ZSWIM5: variants seen among roughly 807,000 people sequenced by gnomAD.
The protein encoded by ZSWIM5 is zinc finger SWIM domain-containing protein 5.
Under a neutral mutation model 119.6 loss-of-function variants are expected in ZSWIM5, and 55 were observed. The observed-to-expected ratio is 0.46, with a 90% CI of 0.37 to 0.58. The LOEUF is 0.58. Ranked by LOEUF, ZSWIM5 falls within the 20% of genes least tolerant of loss-of-function variation. The pLI is 0.00. For synonymous variants in ZSWIM5, 537 were observed against 606.9 expected, an observed-to-expected ratio of 0.88 and a Z score of 1.69; for missense variants, 1,193 against 1,512.8, an observed-to-expected ratio of 0.79 and a Z score of 3.51.
chr1:45,045,991 G>A (rs1010394295), intron 5 of ZSWIM5, among the ~76,000 whole-genome samples: 9 of 152,020 alleles, frequency 5.9e-5, no homozygotes, highest in African/African-American at 2.2e-4. Flanking sequence ...TCCTAAGGTA[G>A]AAGTATATTT....
chr1:45,106,945 T>C (rs1370081550), intron 1 of ZSWIM5, among the ~76,000 whole-genome samples: 2 of 152,228 alleles, frequency 1.3e-5, no homozygotes, highest in Non-Finnish European at 2.9e-5. Flanking sequence ...AACATGTGCG[T>C]GTCAACTCAG....
chr1:45,024,572 T>A (rs1427240023), intron 11 of ZSWIM5, among the ~76,000 whole-genome samples: 1 of 152,166 alleles, frequency 6.6e-6, no homozygotes, highest in African/African-American at 2.4e-5. Context: ...ATTGTGCTTT[T>A]GGTGTTGTAT....
chr1:45,047,623 T>C (rs1210230199), intron 5 of ZSWIM5, among the ~76,000 whole-genome samples: 3 of 152,214 alleles, frequency 2.0e-5, no homozygotes, highest in Non-Finnish European at 4.4e-5. Context: ...CCTAGAGTGA[T>C]GTCCTAGATA....
chr1:45,032,603 A>G (rs572363855), intron 11 of ZSWIM5, among the ~76,000 whole-genome samples: 6 of 151,168 alleles, frequency 4.0e-5, no homozygotes, highest in African/African-American at 1.5e-4. Flanking sequence ...CTCGTGCCAC[A>G]GCCTCCTGAG....
intron 1 of ZSWIM5, among the ~76,000 whole-genome samples, chr1:45,126,287 C>G (rs1645621585): frequency 6.7e-6 from 1 of 149,964 alleles, no homozygotes; most frequent in Non-Finnish European, 1.5e-5. Context: ...AAACCTTCAG[C>G]AAGAATGACA....
chr1:45,174,421 A>G (rs897338676), intron 1 of ZSWIM5, among the ~76,000 whole-genome samples: 1 of 152,016 alleles, frequency 6.6e-6, no homozygotes, highest in Non-Finnish European at 1.5e-5. Context: ...AGTACTCACT[A>G]TTAATCAAAG....
At chr1:45,073,415 C>T (rs538096753) in intron 2 of ZSWIM5, among the ~76,000 whole-genome samples, 95 of 151,270 alleles carry the variant, frequency 6.3e-4, no homozygotes, top group African/African-American at 2.2e-3. Flanking sequence ...CCCACCATCA[C>T]GCCTGGGTAA....
At chr1:45,098,615 G>T (rs574007798) in intron 1 of ZSWIM5, among the ~76,000 whole-genome samples, 15 of 152,094 alleles carry the variant, frequency 9.9e-5, no homozygotes, top group Non-Finnish European at 2.1e-4. Context: ...GCACCACATC[G>T]CACTTATTCC....
rs142333461 is a variant in ZSWIM5 at position 45,119,687 on chromosome 1, A to C, written c.596-31450T>G. On this transcript the variant is annotated intron_variant, in intron 1 of 13. Coordinates refer to ENST00000359600, the MANE Select transcript of ZSWIM5 (RefSeq NM_020883.2). ...TCACTCATCGTCAGTAGCTGTCTTA[A>C]ATTTTGTCACACTAACTATAAGTTA... is the stretch of plus-strand genomic sequence containing the variant. Among the ~76,000 whole-genome samples, 1,111 of 152,288 alleles carry C rather than the reference A, an allele frequency of 7.3e-3. 8 individuals are homozygous for C. Among genetic ancestry groups the C allele is most frequent in the Non-Finnish European group, 0.01 (686 of 68,026 alleles).
intron 1 of ZSWIM5, among the ~76,000 whole-genome samples, chr1:45,153,419 T>A (rs779241270): frequency 4.0e-5 from 6 of 150,646 alleles, no homozygotes; most frequent in Non-Finnish European, 5.9e-5. Context: ...GACATGAGAA[T>A]CGCTTGAACC....
At chr1:45,169,341 T>C (rs1557787205) in intron 1 of ZSWIM5, among the ~76,000 whole-genome samples, 1 of 152,080 alleles carries the variant, frequency 6.6e-6, no homozygotes, top group Non-Finnish European at 1.5e-5. Context: ...GATTGGCATA[T>C]AGTAAGTTCT....
In ZSWIM5 at chr1:45,166,958, T is replaced by C. The variant is rs534343689; in HGVS notation, c.595+38798A>G. ...GCTACCAATGACTTTCTTCACAGAA[T>C]TGGAAAAAACTACTTTAAAGTTCAG... is the stretch of plus-strand genomic sequence containing the variant. On this transcript the variant is annotated intron_variant, in intron 1 of 13. Coordinates refer to ENST00000359600, the MANE Select transcript of ZSWIM5 (RefSeq NM_020883.2). 5.6e-4 allele frequency among the ~76,000 whole-genome samples: 85 copies of C among 152,174 alleles called. 2 individuals carry two copies. The highest frequency in any genetic ancestry group is 4.3e-4 in the African/African-American group (18 of 41,534).
intron 1 of ZSWIM5, among the ~76,000 whole-genome samples, chr1:45,156,094 A>G (rs1411823445): frequency 6.6e-6 from 1 of 152,164 alleles, no homozygotes; most frequent in Non-Finnish European, 1.5e-5. Context: ...AAAACATGGT[A>G]TATATACACC....
chr1:45,092,922 A>G (rs1645377126), intron 1 of ZSWIM5, among the ~76,000 whole-genome samples: 1 of 152,212 alleles, frequency 6.6e-6, no homozygotes, highest in South Asian at 2.1e-4. Context: ...CACATAGGCC[A>G]ATTCCTTGAA....
chr1:45,105,600 C>G (rs1265170990), intron 1 of ZSWIM5, among the ~76,000 whole-genome samples: 4 of 150,234 alleles, frequency 2.7e-5, no homozygotes, highest in South Asian at 2.1e-4. Context: ...CTGGCCGCCC[C>G]CTCTGGGAAG....
At chr1:45,125,631 G>A (rs1326157100) in intron 1 of ZSWIM5, among the ~76,000 whole-genome samples, 7 of 152,050 alleles carry the variant, frequency 4.6e-5, no homozygotes, top group East Asian at 3.9e-4. Flanking sequence ...AAAATTAGCC[G>A]GGCATGGTGG....
At chr1:45,052,947 C>A (rs1416905405) in intron 4 of ZSWIM5, among the ~76,000 whole-genome samples, 1 of 151,524 alleles carries the variant, frequency 6.6e-6, no homozygotes, top group East Asian at 1.9e-4. Context: ...CATGGAGAAA[C>A]CCCGTCTCTA....
intron 8 of ZSWIM5, 72 bp downstream of exon 8, chr1:45,038,864 A>T: frequency 1.9e-6 from 3 of 1,579,294 alleles, no homozygotes; most frequent in African/African-American, 1.3e-5. Flanking sequence ...CCAAAATGCT[A>T]GGATTACAGG....
chr1:45,117,263 G>A (rs1283991456), intron 1 of ZSWIM5, among the ~76,000 whole-genome samples: 1 of 152,190 alleles, frequency 6.6e-6, no homozygotes, highest in East Asian at 1.9e-4. Context: ...CCAGTCACTG[G>A]TTGAGAAACT....
Sources: gnomAD v4.1 joint callset for allele counts (sites outside exome capture counted in the v4.1 genomes callset) on GRCh38, gnomAD v4.1.1 for gene constraint, MANE v1.5 for transcripts, NCBI Gene and HGNC (gene_info 2026-07-23, HGNC 2026-07-21) for gene names.